Variants in RAB40B observed in about 807,000 individuals in gnomAD.
RAB40B encodes ras-related protein Rab-40B.
RAB40B carries 21 observed loss-of-function variants against 24.0 expected under a neutral mutation model. The ratio of observed to expected loss-of-function variants is 0.88; its 90% CI spans 0.62 to 1.26. The LOEUF (loss-of-function observed/expected upper bound fraction) is 1.26. RAB40B is among the 50% of genes most tolerant of loss of function. RAB40B has a pLI of 0.00. For synonymous variants in RAB40B, 167 were observed against 169.8 expected, an observed-to-expected ratio of 0.98 and a Z score of 0.13; for missense variants, 348 against 390.5, an observed-to-expected ratio of 0.89 and a Z score of 0.92.
chr17:82,682,975 T>C (rs1443415404), intron 1 of RAB40B, among the ~76,000 whole-genome samples: 1 of 152,124 alleles, frequency 6.6e-6, no homozygotes, highest in African/African-American at 2.4e-5. Context: ...AAACCCTGTC[T>C]CTATTAAAAA....
intron 1 of RAB40B, among the ~76,000 whole-genome samples, chr17:82,685,526 G>A (rs183849600): frequency 2.6e-5 from 4 of 152,160 alleles, no homozygotes; most frequent in African/African-American, 9.7e-5. Context: ...CAGATGGGGC[G>A]GGCCCCAGGC....
At chr17:82,674,508 G>A (rs1190700274) in intron 1 of RAB40B, among the ~76,000 whole-genome samples, 26 of 150,642 alleles carry the variant, frequency 1.7e-4, no homozygotes, top group East Asian at 1.2e-3. Context: ...GTGTGGTGGC[G>A]GGCACCTGTA....
rs1308554345 is a variant in RAB40B at position 82,681,927 on chromosome 17, G to GT, written c.142+16527dup. Among the ~76,000 whole-genome samples, 11 of 152,018 alleles carry GT rather than the reference G, an allele frequency of 7.2e-5. No homozygotes were observed. In the East Asian group the frequency reaches 2.1e-3, roughly 29 times the overall value. ...CTCAAAGCTAACATTTTACTTAATGGTAAAAAACAGAACGCTTTCCCCATG... is the reference window on the plus strand; with the variant it reads ...CTCAAAGCTAACATTTTACTTAATGGTTAAAAAACAGAACGCTTTCCCCATG... On this transcript the variant is annotated intron_variant, in intron 1 of 5. Transcript: ENST00000571995.
chr17:82,657,917 G>GGGGGGC lies in RAB40B; in HGVS notation c.782_783insGCCCCC (p.Pro262_Pro263dup). On this transcript the variant is annotated inframe_insertion, in exon 6 of 6. Transcript: ENST00000571995. ...AGTTTTTGGGGGGGCTCTGGGGGGG[G>GGGGGGC]CGGACGAGCTTCACTTTGCGGAGGC... 1.9e-6 allele frequency: 2 copies of GGGGGGC among 1,026,038 alleles called. No individual in the cohort carries two copies. The highest frequency in any genetic ancestry group is 2.9e-6 in the Non-Finnish European group (2 of 685,572). 63.6% of individuals were successfully genotyped at this position (1,026,038 alleles called of 1,614,324 possible). A position where few individuals can be genotyped will look rare whatever the true frequency, so the allele number is the denominator to read the frequency against.
chr17:82,682,206 G>T (rs1291835852), intron 1 of RAB40B, among the ~76,000 whole-genome samples: 1 of 151,892 alleles, frequency 6.6e-6, no homozygotes, highest in East Asian at 1.9e-4. Context: ...GAACTCATAA[G>T]TGAATTTAGT....
In RAB40B at chr17:82,657,502, T is replaced by G; in HGVS notation, c.*361A>C. The G allele has an allele frequency of 2.7e-6, 1 of 365,004 alleles. No homozygotes were observed. Among genetic ancestry groups the G allele is most frequent in the Non-Finnish European group, 5.3e-6 (1 of 188,668 alleles). The allele number at this position is 365,004 out of a possible 1,614,324, so 22.6% of individuals were successfully genotyped here. On this transcript the variant is annotated 3_prime_UTR_variant, in exon 6 of 6. Coordinates refer to ENST00000571995, the MANE Select transcript of RAB40B (RefSeq NM_006822.3). ...TATCCCGCTGCCATTGCTTCTCAAA[T>G]TCCATTGAATTTATACTAATCACTC...
rs1473854610 is a variant in RAB40B at position 82,658,511 on chromosome 17, C to T, written c.545G>A (p.Arg182Gln). 12 of 1,612,416 alleles carry T rather than the reference C, an allele frequency of 7.4e-6. No homozygotes were observed. The highest frequency in any genetic ancestry group is 2.2e-5 in the South Asian group (2 of 91,048). ...CCTACCCTTGCTCGGCCGCCAGAGC[C>T]GGTCCATCCCATGCCGCAGCAGCAC... ...RIVLLRHGMD[R>Q]LWRPSKVLSL... Residue 182 changes from arginine to glutamine, a missense_variant, in exon 5 of 6, where the codon CGG (arginine) becomes CAG (glutamine). Transcript: ENST00000571995.
intron 3 of RAB40B, 34 bp downstream of exon 3, chr17:82,660,953 G>A: frequency 1.2e-6 from 2 of 1,607,202 alleles, no homozygotes; most frequent in Non-Finnish European, 1.7e-6. Context: ...TTCAAAGTTG[G>A]TTTGATCTCC....
intron 1 of RAB40B, 186 bp from the exon 2 acceptor site, chr17:82,664,742 G>A (rs2046232851): frequency 2.1e-5 from 12 of 584,448 alleles, no homozygotes; most frequent in South Asian, 9.9e-5. Flanking sequence ...TCCCGCACCC[G>A]GGCCCCTCCT....
At chr17:82,691,300 A>T (rs1227305354) in intron 1 of RAB40B, among the ~76,000 whole-genome samples, 1 of 152,238 alleles carries the variant, frequency 6.6e-6, no homozygotes, top group Non-Finnish European at 1.5e-5. Flanking sequence ...ATTGGAGAAG[A>T]CAATGAGGCC....
At chr17:82,689,666 G>T (rs1200751069) in intron 1 of RAB40B, among the ~76,000 whole-genome samples, 1 of 152,182 alleles carries the variant, frequency 6.6e-6, no homozygotes, top group African/African-American at 2.4e-5. Flanking sequence ...TGGTACCGCA[G>T]GAGGTAAAGA....
At chr17:82,691,992 C>T (rs2046563178) in intron 1 of RAB40B, among the ~76,000 whole-genome samples, 1 of 152,152 alleles carries the variant, frequency 6.6e-6, no homozygotes, top group South Asian at 2.1e-4. Context: ...CCTGGGTAAC[C>T]AGCAGAGCAG....
chr17:82,664,447 G>A (rs774679478), intron 2 of RAB40B, 49 bp downstream of exon 2: 9 of 1,591,876 alleles, frequency 5.7e-6, no homozygotes, highest in African/African-American at 5.4e-5. Context: ...GCCAGCCAGG[G>A]GGGTTACTCC....
chr17:82,680,217 A>G (rs1271818128), intron 1 of RAB40B, among the ~76,000 whole-genome samples: 1 of 151,934 alleles, frequency 6.6e-6, no homozygotes, highest in African/African-American at 2.4e-5. Context: ...GCAGCCTTGG[A>G]CCCCACACTG....
chr17:82,680,660 A>G (rs1337735404), intron 1 of RAB40B, among the ~76,000 whole-genome samples: 1 of 152,180 alleles, frequency 6.6e-6, no homozygotes, highest in Admixed American at 6.5e-5. Context: ...CTTTCTACCT[A>G]GTAGTAATAC....
chr17:82,684,285 A>C (rs1032106014), intron 1 of RAB40B, among the ~76,000 whole-genome samples: 2 of 152,168 alleles, frequency 1.3e-5, no homozygotes, highest in African/African-American at 2.4e-5. Context: ...AACATTTAAA[A>C]AAAACAAAAC....
At chr17:82,664,867 C>CGGGG (rs1555655925) in intron 1 of RAB40B, 7 of 272,570 alleles carry the variant, frequency 2.6e-5, no homozygotes, top group Non-Finnish European at 4.9e-5. Context: ...GGGTTTGCCG[C>CGGGG]GGGGCTGTGG....
intron 1 of RAB40B, among the ~76,000 whole-genome samples, chr17:82,669,336 G>A (rs1470872648): frequency 1.3e-5 from 2 of 152,134 alleles, no homozygotes; most frequent in African/African-American, 4.8e-5. Flanking sequence ...TTAGCCGGGC[G>A]TGGTGGCGGG....
chr17:82,675,042 G>T lies in RAB40B; in HGVS notation c.143-10486C>A, dbSNP rs925709808. On this transcript the variant is annotated intron_variant, in intron 1 of 5. Coordinates refer to ENST00000571995, the MANE Select transcript of RAB40B (RefSeq NM_006822.3). The surrounding 1 kb of genome is among the most constrained non-coding windows in gnomAD (Gnocchi z 4.5). ...TTTCTTGTTTGCACCAAAATGTCTG[G>T]TAGAAAACCCACAAAGCACAATGAC... is the stretch of plus-strand genomic sequence containing the variant. Among the ~76,000 whole-genome samples the T allele has an allele frequency of 6.6e-6, 1 of 152,028 alleles. No homozygotes were observed. Among genetic ancestry groups the T allele is most frequent in the African/African-American group, 2.4e-5 (1 of 41,364 alleles).
Sources: gnomAD v4.1 joint callset for allele counts (sites outside exome capture counted in the v4.1 genomes callset) on GRCh38, gnomAD v4.1.1 for gene constraint, Gnocchi (gnomAD v3.1) non-coding constraint, MANE v1.5 for transcripts, NCBI Gene and HGNC (gene_info 2026-07-23, HGNC 2026-07-21) for gene names.